Variants in FRMPD4 observed in about 807,000 individuals in gnomAD.
FRMPD4 encodes the protein FERM and PDZ domain containing 4, also known as FERM and PDZ domain-containing protein 4.
In FRMPD4, 22 loss-of-function variants were observed where a neutral mutation model predicts 94.1. The observed-to-expected ratio is 0.23, with a 90% CI of 0.17 to 0.33. The LOEUF is 0.33. FRMPD4 is among the 10% of genes least tolerant of loss of function. FRMPD4 has a pLI of 1.00. For synonymous variants in FRMPD4, 631 were observed against 548.6 expected, an observed-to-expected ratio of 1.15 and a Z score of -2.10; for missense variants, 1,111 against 1,339.9, an observed-to-expected ratio of 0.83 and a Z score of 2.67.
At chrX:11,843,365 C>T (rs1176607805) in intron 1 of FRMPD4, among the ~76,000 whole-genome samples, 17 of 110,957 alleles carry the variant, frequency 1.5e-4, no homozygotes. Flanking sequence ...TAGTATATCT[C>T]CTTTTCCTAC....
At chrX:12,427,895 C>CTTTTTTTTTTTTTTT (rs1569272212) in intron 1 of FRMPD4, among the ~76,000 whole-genome samples, 1 of 60,799 alleles carries the variant, frequency 1.6e-5, no homozygotes, top group Non-Finnish European at 3.0e-5. Flanking sequence ...TTCCTTTTTT[C>CTTTTTTTTTTTTTTT]TCTTTTTTTT....
At chrX:12,128,575 T>G (rs1336286099) in intron 3 of FRMPD4, among the ~76,000 whole-genome samples, 3 of 112,438 alleles carry the variant, frequency 2.7e-5, no homozygotes, top group African/African-American at 9.7e-5. Context: ...TTTTGGTGAT[T>G]AACATTCAGC....
intron 4 of FRMPD4, among the ~76,000 whole-genome samples, chrX:12,631,434 G>T (rs923294761): frequency 5.4e-5 from 6 of 111,806 alleles, no homozygotes; most frequent in African/African-American, 2.0e-4. Context: ...TGGGGTACAT[G>T]TGCAGAATGT....
At position 12,127,792 on chromosome X, in the gene FRMPD4, C is replaced by T. The variant is rs189509876; in HGVS notation, c.95+249774C>T. On this transcript the variant is annotated intron_variant, in intron 3 of 18. Coordinates refer to the FRMPD4 transcript ENST00000640291. Reference sequence around the variant, plus strand: ...GTTAATTATTTCCTAGATACAATGTCGGTACAGGCATTGGATGTATACACT... The same window carrying T: ...GTTAATTATTTCCTAGATACAATGTTGGTACAGGCATTGGATGTATACACT... Among the ~76,000 whole-genome samples, 391 of 112,407 alleles carry T rather than the reference C, an allele frequency of 3.5e-3. 1 individual carries two copies. Among genetic ancestry groups the T allele is most frequent in the Non-Finnish European group, 3.4e-3 (183 of 53,287 alleles).
intron 2 of FRMPD4, among the ~76,000 whole-genome samples, chrX:12,581,874 C>T (rs746899258): frequency 8.9e-6 from 1 of 112,139 alleles, no homozygotes; most frequent in East Asian, 2.8e-4. Flanking sequence ...CTCATGAGGC[C>T]TTTCCTGCCT....
chrX:12,700,314 G>A (rs550896299), intron 9 of FRMPD4, among the ~76,000 whole-genome samples: 4 of 112,262 alleles, frequency 3.6e-5, no homozygotes, highest in African/African-American at 1.3e-4. Flanking sequence ...AAGAAAAGGA[G>A]GAAATAAGAA....
rs750163701 is a variant in FRMPD4, at chrX:12,036,436, C to A, written c.95+158418C>A. Among the ~76,000 whole-genome samples the A allele has an allele frequency of 7.1e-4, 79 of 111,169 alleles. 1 individual carries two copies. Among genetic ancestry groups the A allele is most frequent in the African/African-American group, 2.5e-3 (78 of 30,635 alleles). The stretch of plus-strand genomic sequence containing the variant: ...TAAAAAATATTATTAGGAAAATTTG[C>A]AAGATAAAAATTGAACAAGAAAAAA... On this transcript the variant is annotated intron_variant, in intron 3 of 18. Transcript: ENST00000640291.
In FRMPD4 at chrX:12,678,623, C is replaced by G. The variant is rs778165914; in HGVS notation, c.468+3715C>G. Among the ~76,000 whole-genome samples, 5 of 111,439 alleles carry G rather than the reference C, an allele frequency of 4.5e-5. No individual in the cohort carries two copies. The South Asian group carries it at 1.1e-3, about 25-fold the overall frequency. On this transcript the variant is annotated intron_variant, in intron 5 of 16. Transcript: ENST00000675598. ...GGCAGATCACCTGAGGTCGGGAGTT[C>G]GAGACCAGCCTGATCAACATGGAGA...
At chrX:12,058,692 G>T (rs2054868302) in intron 3 of FRMPD4, among the ~76,000 whole-genome samples, 1 of 111,058 alleles carries the variant, frequency 9.0e-6, no homozygotes, top group African/African-American at 3.3e-5. Context: ...ATTTAAAAAT[G>T]ATTAAAAGAT....
intron 1 of FRMPD4, among the ~76,000 whole-genome samples, chrX:12,271,266 A>C (rs2054351388): frequency 8.9e-6 from 1 of 112,276 alleles, no homozygotes. Context: ...GCTAGCGGAT[A>C]TTCACAAATT....
intron 3 of FRMPD4, among the ~76,000 whole-genome samples, chrX:12,015,167 G>T (rs2054598938): frequency 1.8e-5 from 2 of 110,621 alleles, no homozygotes; most frequent in Admixed American, 1.9e-4. Flanking sequence ...ACTTTGGCAA[G>T]ATTGTCATTT....
chrX:12,473,362 G>A (rs1401073510), intron 1 of FRMPD4, among the ~76,000 whole-genome samples: 2 of 109,829 alleles, frequency 1.8e-5, no homozygotes, highest in Non-Finnish European at 1.9e-5. Flanking sequence ...GCAAAAACAT[G>A]CCAAATTGTA....
chrX:12,707,355 C>A, intron 12 of FRMPD4, 114 bp from the exon 13 acceptor site: 1 of 591,399 alleles, frequency 1.7e-6, no homozygotes, highest in South Asian at 3.1e-5. Flanking sequence ...TACAGTATGA[C>A]CCAGAAACAC....
At chrX:12,670,892 GA>G (rs1242559359) in intron 4 of FRMPD4, among the ~76,000 whole-genome samples, 9 of 110,599 alleles carry the variant, frequency 8.1e-5, no homozygotes, top group Non-Finnish European at 1.7e-4. Context: ...AGATTTACAA[GA>G]AAAAAACAAA....
chrX:12,524,301 T>G (rs1204294080), intron 2 of FRMPD4, among the ~76,000 whole-genome samples: 1 of 112,526 alleles, frequency 8.9e-6, no homozygotes, highest in Non-Finnish European at 1.9e-5. Flanking sequence ...TGGTCTATTT[T>G]GGAATCTATC....
At position 12,663,306 on chromosome X, in the gene FRMPD4, C is replaced by T. The variant is rs756795195; in HGVS notation, c.423-11557C>T. 4.5e-5 allele frequency among the ~76,000 whole-genome samples: 5 copies of T among 112,090 alleles called. No homozygotes were observed. The South Asian group carries it at 1.9e-3, about 42-fold the overall frequency. ...GTCCTGAATGGTGCCTGGTTTGCCT[C>T]TAGGGTTTTTATGGTTTTAGGTCTA... On this transcript the variant is annotated intron_variant, in intron 4 of 16. Transcript: ENST00000675598.
chrX:12,413,433 A>G lies in FRMPD4; in HGVS notation c.42-85247A>G, dbSNP rs143442073. Among the ~76,000 whole-genome samples the G allele has an allele frequency of 5.9e-3, 668 of 112,339 alleles. 4 individuals carry two copies. Among genetic ancestry groups the G allele is most frequent in the African/African-American group, 0.021 (638 of 30,927 alleles). ...TAGGGAAATCCAAACTAAGACAAAT[A>G]TTAACATCAACCCCGTGAGTTAGAT... On this transcript the variant is annotated intron_variant, in intron 1 of 16. Transcript: ENST00000675598.
chrX:12,384,945 C>T (rs1601882657), intron 1 of FRMPD4, among the ~76,000 whole-genome samples: 1 of 112,128 alleles, frequency 8.9e-6, no homozygotes, highest in African/African-American at 3.2e-5. Context: ...GAGGCTGTCC[C>T]ACTTCTTCCA....
intron 1 of FRMPD4, among the ~76,000 whole-genome samples, chrX:12,244,131 T>G (rs1042508525): frequency 2.4e-4 from 27 of 110,562 alleles, no homozygotes; most frequent in African/African-American, 5.6e-4. Flanking sequence ...GTTTTGTTTT[T>G]TATTTTTTTT....
Sources: allele counts gnomAD v4.1 joint callset (sites outside exome capture counted in the v4.1 genomes callset), GRCh38; gene constraint gnomAD v4.1.1; transcripts MANE v1.5; gene names NCBI Gene and HGNC (gene_info 2026-07-23, HGNC 2026-07-21).